Variants in CCSER1 observed in about 807,000 individuals in gnomAD.
The protein encoded by CCSER1 is serine-rich coiled-coil domain-containing protein 1.
Under a neutral mutation model 82.0 loss-of-function variants are expected in CCSER1, and 41 were observed. The observed-to-expected ratio is 0.50, with a 90% confidence interval of 0.39 to 0.65. The LOEUF (loss-of-function observed/expected upper bound fraction) is 0.65. Among genes scored for constraint, CCSER1 ranks in the 30% least tolerant of loss-of-function variants. The probability of loss-of-function intolerance (pLI) is 0.00; values close to 1 mark genes in which losing one functional copy is unlikely to be tolerated. For missense variants in CCSER1, 1,119 were observed against 1,064.2 expected (o/e 1.05, Z -0.72); for synonymous variants, 414 against 383.9 (o/e 1.08, Z -0.92).
chr4:90,371,687 T>C (rs1458811056), intron 3 of CCSER1, among the ~76,000 whole-genome samples: 1 of 152,184 alleles, frequency 6.6e-6, no homozygotes, highest in African/African-American at 2.4e-5. Flanking sequence ...TTTGTTTTTA[T>C]TGTGGACAAA....
intron 6 of CCSER1, among the ~76,000 whole-genome samples, chr4:90,713,988 G>A (rs116404411): frequency 1.5e-3 from 229 of 151,970 alleles, no homozygotes; most frequent in Non-Finnish European, 2.0e-3. Context: ...AGCTCCATCA[G>A]ACATTTCTCT....
chr4:91,372,258 A>G (rs1236754076), intron 10 of CCSER1, among the ~76,000 whole-genome samples: 14 of 152,128 alleles, frequency 9.2e-5, no homozygotes, highest in Non-Finnish European at 7.4e-5. Flanking sequence ...AGCTTGTACT[A>G]GAGGTTTATT....
chr4:91,533,178 T>G (rs1029684770), intron 10 of CCSER1, among the ~76,000 whole-genome samples: 16 of 152,300 alleles, frequency 1.1e-4, no homozygotes, highest in Non-Finnish European at 1.2e-4. Flanking sequence ...ACCTCACTAT[T>G]TTTTCAGAGG....
chr4:90,293,487 A>G (rs904480622), intron 1 of CCSER1, among the ~76,000 whole-genome samples: 3 of 151,452 alleles, frequency 2.0e-5, no homozygotes, highest in Non-Finnish European at 4.4e-5. Context: ...AATAAGAGTT[A>G]GAATAAAAAA....
intron 10 of CCSER1, among the ~76,000 whole-genome samples, chr4:91,291,572 G>A (rs1002616110): frequency 6.6e-6 from 1 of 151,964 alleles, no homozygotes; most frequent in Non-Finnish European, 1.5e-5. Context: ...GCTGGAGCAG[G>A]AGCAAGAGAG....
At chr4:90,184,431 T>C (rs980590962) in intron 1 of CCSER1, among the ~76,000 whole-genome samples, 20 of 152,020 alleles carry the variant, frequency 1.3e-4, no homozygotes, top group African/African-American at 4.8e-4. Context: ...CTTTAGAGAG[T>C]TGTACCTAGG....
At chr4:90,205,499 T>C (rs1738626989) in intron 1 of CCSER1, among the ~76,000 whole-genome samples, 1 of 152,214 alleles carries the variant, frequency 6.6e-6, no homozygotes, top group African/African-American at 2.4e-5. Context: ...ATGGATGACT[T>C]TATTGATTTG....
chr4:90,525,409 TAGATG>T (rs1319397021), intron 5 of CCSER1, among the ~76,000 whole-genome samples: 2 of 152,278 alleles, frequency 1.3e-5, no homozygotes, highest in Admixed American at 1.3e-4. Flanking sequence ...CCAAAGTTCT[TAGATG>T]AGAAGAATTG....
At chr4:91,133,607 G>A (rs757481338) in intron 10 of CCSER1, among the ~76,000 whole-genome samples, 44 of 152,124 alleles carry the variant, frequency 2.9e-4, no homozygotes, top group Admixed American at 3.9e-4. Context: ...GTATGTGTGG[G>A]TGCTCATAAC....
At chr4:90,452,858 C>A (rs114321370) in intron 4 of CCSER1, among the ~76,000 whole-genome samples, 2,283 of 152,216 alleles carry the variant, frequency 0.015, 52 homozygotes, top group African/African-American at 0.052. Context: ...TTGATTCTTT[C>A]TTCACCTAGT....
chr4:91,381,623 A>G (rs140798694), intron 10 of CCSER1, among the ~76,000 whole-genome samples: 2,992 of 152,074 alleles, frequency 0.02, 77 homozygotes, highest in African/African-American at 0.067. Flanking sequence ...CTCTACACTG[A>G]TTATTCTAGT....
chr4:91,238,999 T>C (rs1157210137), intron 10 of CCSER1, among the ~76,000 whole-genome samples: 2 of 152,004 alleles, frequency 1.3e-5, no homozygotes, highest in African/African-American at 2.4e-5. Flanking sequence ...AATTTTTTTG[T>C]ATTTTTAGTA....
At chr4:90,876,027 T>G (rs1413820599) in intron 8 of CCSER1, among the ~76,000 whole-genome samples, 1 of 152,172 alleles carries the variant, frequency 6.6e-6, no homozygotes, top group Non-Finnish European at 1.5e-5. Flanking sequence ...GTTTACTTCT[T>G]TCATTGTGGT....
intron 3 of CCSER1, among the ~76,000 whole-genome samples, chr4:90,346,577 C>T (rs1742390009): frequency 6.6e-6 from 1 of 151,880 alleles, no homozygotes; most frequent in South Asian, 2.1e-4. Context: ...TTTAATTTGT[C>T]TAGATTTATG....
chr4:91,211,592 A>T (rs1010299902), intron 10 of CCSER1, among the ~76,000 whole-genome samples: 1 of 152,102 alleles, frequency 6.6e-6, no homozygotes, highest in African/African-American at 2.4e-5. Flanking sequence ...ACATTCTGTC[A>T]GTACGCATGT....
chr4:90,700,323 C>CT (rs542027165), intron 6 of CCSER1, among the ~76,000 whole-genome samples: 135 of 152,168 alleles, frequency 8.9e-4, no homozygotes, highest in African/African-American at 2.7e-3. Flanking sequence ...TGAACTCATC[C>CT]TTTTTTATGG....
At chr4:91,017,060 T>C (rs1739493168) in intron 9 of CCSER1, 1 of 152,138 alleles carries the variant, frequency 6.6e-6, no homozygotes, top group African/African-American at 2.4e-5. Flanking sequence ...GTAATAGGAA[T>C]AAATTAATAA....
chr4:90,517,472 A>G (rs1241878797), intron 5 of CCSER1, among the ~76,000 whole-genome samples: 1 of 152,070 alleles, frequency 6.6e-6, no homozygotes, highest in African/African-American at 2.4e-5. Context: ...GGTGCCACAA[A>G]CTGCCACAGA....
At chr4:91,515,453 C>A (rs1466382371) in intron 10 of CCSER1, among the ~76,000 whole-genome samples, 3 of 152,224 alleles carry the variant, frequency 2.0e-5, no homozygotes, top group South Asian at 4.1e-4. Context: ...GGACAACAGG[C>A]AGTATTTGGT....
Sources: gnomAD v4.1 joint callset for allele counts (sites outside exome capture counted in the v4.1 genomes callset) on GRCh38, gnomAD v4.1.1 for gene constraint, MANE v1.5 for transcripts, NCBI Gene and HGNC (gene_info 2026-07-23, HGNC 2026-07-21) for gene names.